The following FOXP1 variants were observed in gnomAD, a reference collection of about 807,000 sequenced individuals.
FOXP1 encodes forkhead box P1, also known as forkhead box protein P1.
Under a neutral mutation model 98.2 loss-of-function variants are expected in FOXP1, and 15 were observed. That is an observed-to-expected ratio of 0.15 (90% CI 0.10 to 0.24). FOXP1 has a LOEUF of 0.24. Ranked by LOEUF, FOXP1 falls within the 10% of genes least tolerant of loss-of-function variation. The probability of loss-of-function intolerance (pLI) is 1.00; values close to 1 mark genes in which losing one functional copy is unlikely to be tolerated. For missense variants in FOXP1, 633 were observed against 848.5 expected (o/e 0.75, Z 3.15); for synonymous variants, 371 against 314.5 (o/e 1.18, Z -1.90).
At chr3:71,259,946 A>G (rs2068954925) in intron 5 of FOXP1, among the ~76,000 whole-genome samples, 1 of 152,066 alleles carries the variant, frequency 6.6e-6, no homozygotes, top group Non-Finnish European at 1.5e-5. Context: ...ATGAAGGAAG[A>G]GGTGAGGAAG....
At chr3:71,475,390 CTCCA>C (rs2106758745) in intron 3 of FOXP1, among the ~76,000 whole-genome samples, 1 of 152,188 alleles carries the variant, frequency 6.6e-6, no homozygotes, top group Admixed American at 6.5e-5. Context: ...CAAAATATAC[CTCCA>C]TGGCAATCGG....
At chr3:71,364,341 A>C (rs2078768071) in intron 3 of FOXP1, among the ~76,000 whole-genome samples, 1 of 152,218 alleles carries the variant, frequency 6.6e-6, no homozygotes, top group South Asian at 2.1e-4. Flanking sequence ...AAAGGGAACC[A>C]ACAGCTAATG....
At chr3:70,979,068 A>T (rs1359202754) in intron 14 of FOXP1, among the ~76,000 whole-genome samples, 1 of 151,886 alleles carries the variant, frequency 6.6e-6, no homozygotes, top group Non-Finnish European at 1.5e-5. Flanking sequence ...GGAGTTTGAA[A>T]CCAGGCTGGA....
At chr3:71,339,846 A>G (rs2076912923) in intron 4 of FOXP1, among the ~76,000 whole-genome samples, 1 of 152,252 alleles carries the variant, frequency 6.6e-6, no homozygotes. Context: ...TCCACTAGCA[A>G]TCCAATCTAT....
chr3:71,149,074 A>G (rs143379453), intron 6 of FOXP1, among the ~76,000 whole-genome samples: 242 of 152,314 alleles, frequency 1.6e-3, no homozygotes, highest in African/African-American at 5.4e-3. Flanking sequence ...TGCAATTATT[A>G]GGCCAGGTTC....
chr3:71,214,940 G>C (rs1224232215), intron 5 of FOXP1, among the ~76,000 whole-genome samples: 1 of 152,200 alleles, frequency 6.6e-6, no homozygotes, highest in East Asian at 1.9e-4. Context: ...CCTGTGCACT[G>C]CAACTGTGTT....
At chr3:71,476,319 G>C (rs1007901405) in intron 3 of FOXP1, among the ~76,000 whole-genome samples, 1 of 128,982 alleles carries the variant, frequency 7.8e-6, no homozygotes, top group Non-Finnish European at 1.7e-5. Flanking sequence ...TTTTTGTTTT[G>C]TTTTTGAGCA....
chr3:71,248,508 C>T (rs73109711), intron 5 of FOXP1, among the ~76,000 whole-genome samples: 32,390 of 151,934 alleles, frequency 0.21, 3,568 homozygotes, highest in Non-Finnish European at 0.24. Context: ...TTTGGGAGGC[C>T]GAGGCAGGTG....
chr3:71,023,910 G>T (rs189512122), intron 11 of FOXP1, among the ~76,000 whole-genome samples: 1 of 152,126 alleles, frequency 6.6e-6, no homozygotes, highest in Non-Finnish European at 1.5e-5. Flanking sequence ...AAACTTGATC[G>T]CAACGACCTT....
At chr3:71,434,976 C>A (rs1278836990) in intron 3 of FOXP1, among the ~76,000 whole-genome samples, 1 of 151,822 alleles carries the variant, frequency 6.6e-6, no homozygotes, top group Admixed American at 6.6e-5. Context: ...TCTTCTATAG[C>A]CAGGTATTAG....
chr3:71,238,872 T>C (rs1161339852), intron 5 of FOXP1, among the ~76,000 whole-genome samples: 1 of 152,246 alleles, frequency 6.6e-6, no homozygotes, highest in African/African-American at 2.4e-5. Context: ...TCATCATGTA[T>C]ATTTAATAGC....
chr3:71,087,753 AC>A (rs2055292600), intron 7 of FOXP1, among the ~76,000 whole-genome samples: 2 of 152,160 alleles, frequency 1.3e-5, no homozygotes, highest in African/African-American at 4.8e-5. Flanking sequence ...CTGAGAAGGT[AC>A]TATATTTAGC....
chr3:71,454,290 A>G (rs2087232050), intron 3 of FOXP1, among the ~76,000 whole-genome samples: 1 of 152,184 alleles, frequency 6.6e-6, no homozygotes, highest in Non-Finnish European at 1.5e-5. Flanking sequence ...GGGCTAATCT[A>G]GAATCACTGT....
intron 2 of FOXP1, among the ~76,000 whole-genome samples, chr3:71,554,661 C>T (rs868140972): frequency 6.6e-6 from 1 of 152,146 alleles, no homozygotes; most frequent in Admixed American, 6.5e-5. Context: ...CAGTGCAATA[C>T]ATTAAAAGTT....
chr3:71,127,505 C>T (rs1321777220), intron 6 of FOXP1, among the ~76,000 whole-genome samples: 3 of 152,192 alleles, frequency 2.0e-5, no homozygotes, highest in African/African-American at 7.2e-5. Flanking sequence ...TTAGTCTTCA[C>T]CACCTCCTCC....
At chr3:71,485,186 C>G (rs1386860891) in intron 3 of FOXP1, among the ~76,000 whole-genome samples, 1 of 152,150 alleles carries the variant, frequency 6.6e-6, no homozygotes, top group East Asian at 1.9e-4. Context: ...CTGGTTCTAT[C>G]CTGCCTGTGA....
intron 20 of FOXP1, among the ~76,000 whole-genome samples, chr3:70,959,592 C>T (rs1575652949): frequency 6.6e-6 from 1 of 152,184 alleles, no homozygotes; most frequent in South Asian, 2.1e-4. Context: ...CTGAGTTGTG[C>T]TAGCCACATT....
chr3:70,995,678 T>C (rs550002117), intron 13 of FOXP1, among the ~76,000 whole-genome samples: 1 of 152,274 alleles, frequency 6.6e-6, no homozygotes, highest in South Asian at 2.1e-4. Context: ...TGTTTAAAAA[T>C]TATAACTGTC....
intron 2 of FOXP1, among the ~76,000 whole-genome samples, chr3:71,552,164 A>C (rs2045828103): frequency 6.6e-6 from 1 of 152,146 alleles, no homozygotes; most frequent in African/African-American, 2.4e-5. Context: ...ATTATTCTGT[A>C]AGGCAGAACC....
Sources: allele counts gnomAD v4.1 joint callset (sites outside exome capture counted in the v4.1 genomes callset), GRCh38; gene constraint gnomAD v4.1.1; transcripts MANE v1.5; gene names NCBI Gene and HGNC (gene_info 2026-07-23, HGNC 2026-07-21).